The following SLC6A3 variants were observed in gnomAD, a reference collection of about 807,000 sequenced individuals.
The protein encoded by SLC6A3 is sodium-dependent dopamine transporter.
SLC6A3 carries 19 observed loss-of-function variants against 70.4 expected under a neutral mutation model. The observed-to-expected ratio is 0.27, with a 90% CI of 0.19 to 0.40. SLC6A3 has a LOEUF of 0.40. Among genes scored for constraint, SLC6A3 ranks in the 10% least tolerant of loss-of-function variants. The probability of loss-of-function intolerance (pLI) is 1.00; values close to 1 mark genes in which losing one functional copy is unlikely to be tolerated. For missense variants in SLC6A3, 613 were observed against 838.5 expected, an observed-to-expected ratio of 0.73 and a Z score of 3.32; for synonymous variants, 368 against 356.6, an observed-to-expected ratio of 1.03 and a Z score of -0.36.
chr5:1,443,293 A>C lies in SLC6A3; in HGVS notation c.-45-51T>G, dbSNP rs1384502732. On this transcript the variant is annotated intron_variant, in intron 1 of 14. Coordinates refer to ENST00000270349, the MANE Select transcript of SLC6A3 (RefSeq NM_001044.5). ...CACAACAGGAACGCAACAATTCAGCAGCCAGGGCTAGGGACATACCTGGTG... is the reference window on the plus strand; with the variant it reads ...CACAACAGGAACGCAACAATTCAGCCGCCAGGGCTAGGGACATACCTGGTG... 3 of 1,405,048 alleles carry C rather than the reference A, an allele frequency of 2.1e-6. No homozygotes were observed. In the Admixed American group the frequency reaches 5.0e-5, roughly 24 times the overall value. The allele number at this position is 1,405,048 out of a possible 1,614,324, so 87.0% of individuals were successfully genotyped here. A position where few individuals can be genotyped will look rare whatever the true frequency, so the allele number is the denominator to read the frequency against.
In SLC6A3 at chr5:1,397,338, G is replaced by T. The variant is rs2111330638; in HGVS notation, c.1840-2580C>A. Among the ~76,000 whole-genome samples the T allele has an allele frequency of 6.6e-6, 1 of 152,362 alleles. No homozygotes were observed. The highest frequency in any genetic ancestry group is 1.9e-4 in the East Asian group (1 of 5,196). The stretch of plus-strand genomic sequence containing the variant: ...CCCAGCTACTCGGGAGGCTGAGGCA[G>T]GAGAATGGCGCGAACCCGGGAGGCG... On this transcript the variant is annotated intron_variant, in intron 14 of 14. Coordinates refer to ENST00000270349, the MANE Select transcript of SLC6A3 (RefSeq NM_001044.5). This position sits in a 1 kb window ranked among gnomAD's most constrained non-coding sequence, Gnocchi z 4.7.
At chr5:1,425,489 G>C (rs764145901) in intron 4 of SLC6A3, among the ~76,000 whole-genome samples, 1 of 152,078 alleles carries the variant, frequency 6.6e-6, no homozygotes. Flanking sequence ...TACAACCAGA[G>C]GAAAATCAGT....
intron 4 of SLC6A3, among the ~76,000 whole-genome samples, chr5:1,426,489 G>A (rs185142911): frequency 7.9e-4 from 120 of 152,242 alleles, no homozygotes; most frequent in South Asian, 1.7e-3. Flanking sequence ...GCAGTGAGCC[G>A]TGATCATACC....
intron 3 of SLC6A3, among the ~76,000 whole-genome samples, chr5:1,439,022 G>A (rs977643658): frequency 4.6e-5 from 7 of 152,194 alleles, no homozygotes; most frequent in African/African-American, 1.4e-4. Flanking sequence ...CGTCCGTGCC[G>A]CTGGCCAGGG....
chr5:1,413,752 A>G lies in SLC6A3; in HGVS notation c.1156+939T>C, dbSNP rs1047391071. 6.6e-6 allele frequency among the ~76,000 whole-genome samples: 1 copy of G among 151,872 alleles called. No homozygotes were observed. The highest frequency in any genetic ancestry group is 1.5e-5 in the Non-Finnish European group (1 of 67,920). ...GCAGGCGGGGGCTCTGCTGGCTGACAGAGACCGAGAAGCCTTGGGACTCCC... is the reference window on the plus strand; with the variant it reads ...GCAGGCGGGGGCTCTGCTGGCTGACGGAGACCGAGAAGCCTTGGGACTCCC... On this transcript the variant is annotated intron_variant, in intron 8 of 14. Transcript: ENST00000270349. This position sits in a 1 kb window ranked among gnomAD's most constrained non-coding sequence, Gnocchi z 7.1.
rs1027240827 is a variant in SLC6A3 at position 1,411,210 on chromosome 5, C to G, written c.1269+33G>C. 3 of 1,466,558 alleles carry G rather than the reference C, an allele frequency of 2.0e-6. No individual in the cohort carries two copies. Among genetic ancestry groups the G allele is most frequent in the South Asian group, 1.2e-5 (1 of 82,410 alleles). The allele number at this position is 1,466,558 out of a possible 1,614,324, so 90.8% of individuals were successfully genotyped here. A position where few individuals can be genotyped will look rare whatever the true frequency, so the allele number is the denominator to read the frequency against. On this transcript the variant is annotated intron_variant, in intron 9 of 14. Coordinates refer to ENST00000270349, the MANE Select transcript of SLC6A3 (RefSeq NM_001044.5). The surrounding 1 kb of genome is among the most constrained non-coding windows in gnomAD (Gnocchi z 6.5). ...CCTCGGGTGGAAGGAACCCAACTGC[C>G]GAGGACAGGGCCGGGCGGTGCGGGT... is the stretch of plus-strand genomic sequence containing the variant.
At chr5:1,420,993 G>A (rs1405105269) in intron 5 of SLC6A3, among the ~76,000 whole-genome samples, 1 of 152,178 alleles carries the variant, frequency 6.6e-6, no homozygotes, top group Non-Finnish European at 1.5e-5. Context: ...TGGCTGATGG[G>A]GGTTTTCTGA....
At position 1,404,075 on chromosome 5, in the gene SLC6A3, T is replaced by C. The variant is rs1755914316; in HGVS notation, c.1600-986A>G. Among the ~76,000 whole-genome samples, 1 of 152,248 alleles carries C rather than the reference T, an allele frequency of 6.6e-6. No homozygotes were observed. Among genetic ancestry groups the C allele is most frequent in the Admixed American group, 6.5e-5 (1 of 15,286 alleles). ...TTAAAATGCAATTTTTTCCCAATTG[T>C]CCACTTTTCCTCAATTTCAGAAAAG... On this transcript the variant is annotated intron_variant, in intron 12 of 14. Transcript: ENST00000270349. The surrounding 1 kb of genome is among the most constrained non-coding windows in gnomAD (Gnocchi z 5.2).
intron 7 of SLC6A3, among the ~76,000 whole-genome samples, chr5:1,415,647 G>T (rs536774256): frequency 6.6e-6 from 1 of 152,186 alleles, no homozygotes; most frequent in Non-Finnish European, 1.5e-5. Context: ...TTTGGGGTCC[G>T]GCACGGGGCT....
intron 4 of SLC6A3, among the ~76,000 whole-genome samples, chr5:1,428,111 C>T (rs1177277076): frequency 6.6e-6 from 1 of 151,974 alleles, no homozygotes; most frequent in Non-Finnish European, 1.5e-5. Flanking sequence ...AAACAAGTCT[C>T]AATATATTTT....
Position 1,396,989 on chromosome 5 carries a change from A to G in SLC6A3, c.1840-2231T>C, listed in dbSNP as rs1755737167. Reference sequence around the variant, plus strand: ...CTAGTTTTCCTGCTGTGGGCTCACAAGGGTCTGTTTGTTACGGTGACAAAT... The same window carrying G: ...CTAGTTTTCCTGCTGTGGGCTCACAGGGGTCTGTTTGTTACGGTGACAAAT... On this transcript the variant is annotated intron_variant, in intron 14 of 14. Transcript: ENST00000270349. The surrounding 1 kb of genome is among the most constrained non-coding windows in gnomAD (Gnocchi z 7.0). 6.6e-6 allele frequency among the ~76,000 whole-genome samples: 1 copy of G among 152,208 alleles called. No homozygotes were observed. Among genetic ancestry groups the G allele is most frequent in the South Asian group, 2.1e-4 (1 of 4,832 alleles).
Position 1,396,139 on chromosome 5 carries a change from G to A in SLC6A3, c.1840-1381C>T, listed in dbSNP as rs1316234325. Among the ~76,000 whole-genome samples the A allele has an allele frequency of 6.6e-6, 1 of 152,194 alleles. No homozygotes were observed. Among genetic ancestry groups the A allele is most frequent in the African/African-American group, 2.4e-5 (1 of 41,446 alleles). On this transcript the variant is annotated intron_variant, in intron 14 of 14. Coordinates refer to ENST00000270349, the MANE Select transcript of SLC6A3 (RefSeq NM_001044.5). This position sits in a 1 kb window ranked among gnomAD's most constrained non-coding sequence, Gnocchi z 7.0. ...CCAGAGATGAAGTAGAAAAGAGAAT[G>A]GCTGGGCTGCAGACCAGGGGCAGGG...
At chr5:1,417,836 C>G (rs1268863312) in intron 6 of SLC6A3, among the ~76,000 whole-genome samples, 1 of 152,234 alleles carries the variant, frequency 6.6e-6, no homozygotes, top group African/African-American at 2.4e-5. Context: ...ACACCAGATG[C>G]TCCTGCTGGG....
At chr5:1,400,729 C>T (rs1579699257) in intron 14 of SLC6A3, among the ~76,000 whole-genome samples, 186 bp downstream of exon 14, 1 of 152,204 alleles carries the variant, frequency 6.6e-6, no homozygotes, top group Non-Finnish European at 1.5e-5. Context: ...CATGTGCCCC[C>T]CGTCCCGGGC....
At chr5:1,428,122 A>T (rs552865633) in intron 4 of SLC6A3, among the ~76,000 whole-genome samples, 15 of 152,194 alleles carry the variant, frequency 9.9e-5, no homozygotes, top group Non-Finnish European at 1.9e-4. Context: ...AATATATTTT[A>T]AAATATTAAA....
intron 9 of SLC6A3, among the ~76,000 whole-genome samples, chr5:1,410,830 A>ATG (rs371731161): frequency 1.3e-5 from 2 of 151,346 alleles, no homozygotes; most frequent in African/African-American, 4.9e-5. Context: ...GCGTGTGTGC[A>ATG]TGTGTGTGTT....
At chr5:1,423,065 G>A (rs1756490858) in intron 4 of SLC6A3, among the ~76,000 whole-genome samples, 1 of 78,126 alleles carries the variant, frequency 1.3e-5, no homozygotes, top group Non-Finnish European at 2.3e-5. Flanking sequence ...CAAGGTGCTG[G>A]GTACCCACCA....
intron 6 of SLC6A3, among the ~76,000 whole-genome samples, chr5:1,417,789 A>T (rs1241073295): frequency 6.6e-6 from 1 of 152,188 alleles, no homozygotes; most frequent in Admixed American, 6.5e-5. Context: ...CCTGGAGCCC[A>T]TGGTACAGGC....
intron 3 of SLC6A3, among the ~76,000 whole-genome samples, chr5:1,440,365 T>C (rs2078169651): frequency 6.6e-6 from 1 of 151,976 alleles, no homozygotes. Context: ...GATGGATGGA[T>C]GGATGATAGA....
Sources: allele counts gnomAD v4.1 joint callset (sites outside exome capture counted in the v4.1 genomes callset), GRCh38; gene constraint gnomAD v4.1.1; non-coding constraint Gnocchi (gnomAD v3.1); transcripts MANE v1.5; gene names NCBI Gene and HGNC (gene_info 2026-07-23, HGNC 2026-07-21).